The following FBLIM1 variants were observed in gnomAD, a reference collection of about 807,000 sequenced individuals.
FBLIM1 encodes filamin-binding LIM protein 1.
A neutral mutation model predicts 37.4 loss-of-function variants in FBLIM1; 29 were observed. The ratio of observed to expected loss-of-function variants is 0.77; its 90% confidence interval spans 0.58 to 1.06. The LOEUF is 1.06. Among genes scored for constraint, FBLIM1 ranks in the 50% least tolerant of loss-of-function variants. The probability of loss-of-function intolerance (pLI) is 0.00; values close to 1 mark genes in which losing one functional copy is unlikely to be tolerated. For synonymous variants in FBLIM1, 193 were observed against 199.0 expected (o/e 0.97, Z 0.25); for missense variants, 449 against 505.6 (o/e 0.89, Z 1.07).
At chr1:15,771,949 C>T (rs932536202) in intron 6 of FBLIM1, among the ~76,000 whole-genome samples, 2 of 151,904 alleles carry the variant, frequency 1.3e-5, no homozygotes, top group Non-Finnish European at 2.9e-5. Context: ...TTTGATCTCA[C>T]GGGAATCTGT....
At position 15,770,344 on chromosome 1, in the gene FBLIM1, G is replaced by C; in HGVS notation, c.542-65G>C. The C allele has an allele frequency of 3.2e-6, 5 of 1,542,526 alleles. No individual in the cohort carries two copies. In the Admixed American group the frequency reaches 5.6e-5, roughly 17 times the overall value. On this transcript the variant is annotated intron_variant, in intron 5 of 8. Transcript: ENST00000375766. ...GCCTCGGGTATCCTGAGCATGTTCT[G>C]GGTGGTGCCTGGGTACAGTCCTCAC...
At chr1:15,762,466 TTGGCCAGGC>T (rs971502754) in intron 1 of FBLIM1, among the ~76,000 whole-genome samples, 61 of 152,272 alleles carry the variant, frequency 4.0e-4, no homozygotes, top group South Asian at 1.9e-3. Flanking sequence ...TTTCACCATC[TTGGCCAGGC>T]TGGTCTTGAA....
chr1:15,761,952 A>G (rs945264456), intron 1 of FBLIM1, among the ~76,000 whole-genome samples: 1 of 152,216 alleles, frequency 6.6e-6, no homozygotes, highest in Non-Finnish European at 1.5e-5. Flanking sequence ...CTGGACTCCC[A>G]GCTTTCCCAC....
chr1:15,769,214 C>T (rs905399065), intron 5 of FBLIM1, among the ~76,000 whole-genome samples: 8 of 151,968 alleles, frequency 5.3e-5, no homozygotes, highest in East Asian at 1.9e-4. Context: ...TGGTGGCTCA[C>T]GCCTATAATC....
At position 15,771,833 on chromosome 1, in the gene FBLIM1, C is replaced by T. The variant is rs1323940215; in HGVS notation, c.711+1255C>T. Among the ~76,000 whole-genome samples, 4 of 151,624 alleles carry T rather than the reference C, an allele frequency of 2.6e-5. No individual in the cohort carries two copies. The South Asian group carries it at 8.4e-4, about 32-fold the overall frequency. On this transcript the variant is annotated intron_variant, in intron 6 of 8. Transcript: ENST00000375766. ...CTCTTAGCTACCACACGAGGTCACA[C>T]GAGATGGCCAAGGAGCTGGGATTCT...
chr1:15,774,595 T>A (rs1202574837), intron 6 of FBLIM1, 23 bp from the exon 7 acceptor site: 1 of 1,599,292 alleles, frequency 6.3e-7, no homozygotes, highest in Non-Finnish European at 8.5e-7. Context: ...CGTGGATGGT[T>A]CTGGCAGTGG....
intron 3 of FBLIM1, 115 bp from the exon 4 acceptor site, chr1:15,767,261 G>T: frequency 2.3e-6 from 2 of 876,492 alleles, no homozygotes; most frequent in Non-Finnish European, 3.4e-6. Flanking sequence ...AACCCAGGCC[G>T]GGGTGATCCC....
At chr1:15,763,307 T>C (rs901767901) in intron 1 of FBLIM1, among the ~76,000 whole-genome samples, 2 of 151,652 alleles carry the variant, frequency 1.3e-5, no homozygotes, top group Non-Finnish European at 2.9e-5. Context: ...AGACCTCAGG[T>C]GATCCACCTG....
At chr1:15,776,529 G>T (rs954505871) in intron 7 of FBLIM1, among the ~76,000 whole-genome samples, 7 of 151,966 alleles carry the variant, frequency 4.6e-5, no homozygotes, top group Admixed American at 6.6e-5. Flanking sequence ...CCCATGAGTT[G>T]CTCACCACTC....
In FBLIM1 at chr1:15,777,284, T is replaced by C; in HGVS notation, c.1005T>C (p.Cys335=). ...GRNFHENCYR[C]EDCRILLSVE... is the part of the protein sequence containing the mutation. Reference sequence around the variant, plus strand: ...ACTTCCATGAAAATTGCTACAGGTGTGAGGTGAGTGGAGCCTAGGTGGTTT... The same window carrying C: ...ACTTCCATGAAAATTGCTACAGGTGCGAGGTGAGTGGAGCCTAGGTGGTTT... Residue 335 remains cysteine, a synonymous_variant, in exon 8 of 9, where the codon TGT becomes TGC. Coordinates refer to ENST00000375766, the MANE Select transcript of FBLIM1 (RefSeq NM_017556.4). 1 of 1,608,906 alleles carries C rather than the reference T, an allele frequency of 6.2e-7. No individual in the cohort carries two copies. The highest frequency in any genetic ancestry group is 8.5e-7 in the Non-Finnish European group (1 of 1,175,616).
At chr1:15,764,854 G>A in intron 2 of FBLIM1, 110 bp from the exon 3 acceptor site, 1 of 1,300,600 alleles carries the variant, frequency 7.7e-7, no homozygotes, top group East Asian at 2.3e-5. Flanking sequence ...TTGTTGAGAT[G>A]GTAGGGTGGC....
Position 15,764,693 on chromosome 1 carries a change from CT to C in FBLIM1, c.-21+9del. ...AAGGAAGAGTGATCATTGGTGAGGG[CT>C]GCCCTTTGCTCCCCTAGGTGTGCAG... On this transcript the variant is annotated intron_variant, in intron 2 of 8. Coordinates refer to ENST00000375766, the MANE Select transcript of FBLIM1 (RefSeq NM_017556.4). 2.2e-6 allele frequency: 1 copy of C among 462,748 alleles called. No homozygotes were observed. Among genetic ancestry groups the C allele is most frequent in the Admixed American group, 3.9e-5 (1 of 25,430 alleles). The allele number at this position is 462,748 out of a possible 1,614,324, so 28.7% of individuals were successfully genotyped here. A position where few individuals can be genotyped will look rare whatever the true frequency, so the allele number is the denominator to read the frequency against.
intron 1 of FBLIM1, among the ~76,000 whole-genome samples, chr1:15,762,490 T>C (rs930372997): frequency 6.6e-6 from 1 of 152,116 alleles, no homozygotes; most frequent in Non-Finnish European, 1.5e-5. Flanking sequence ...CTTGAACTCC[T>C]TACCTCGTGA....
At chr1:15,776,979 G>A in intron 7 of FBLIM1, 191 bp from the exon 8 acceptor site, 1 of 561,796 alleles carries the variant, frequency 1.8e-6, no homozygotes, top group African/African-American at 1.9e-5. Context: ...GTGACGCTGG[G>A]AAACCAGGTC....
chr1:15,778,629 G>A (rs1286777359), intron 8 of FBLIM1, among the ~76,000 whole-genome samples: 1 of 118,354 alleles, frequency 8.4e-6, no homozygotes, highest in Non-Finnish European at 1.7e-5. Flanking sequence ...ATCAGAGGAA[G>A]TGGAAGCTTC....
At chr1:15,768,780 A>G (rs2069056687) in intron 5 of FBLIM1, 150 bp downstream of exon 5, 1 of 510,094 alleles carries the variant, frequency 2.0e-6, no homozygotes, top group Non-Finnish European at 3.4e-6. Context: ...GCATCCATTT[A>G]ATTTGTATTG....
rs74973395 is a variant in FBLIM1, at chr1:15,765,708, C to A, written c.250+475C>A. On this transcript the variant is annotated intron_variant, in intron 3 of 8. Coordinates refer to ENST00000375766, the MANE Select transcript of FBLIM1 (RefSeq NM_017556.4). The surrounding 1 kb of genome is among the most constrained non-coding windows in gnomAD (Gnocchi z 5.9). ...GGGGATGCTGCCAGCTGCTTGAAGC[C>A]GTCTACACCGAAGGCTGCCATCTGC... 0.03 allele frequency among the ~76,000 whole-genome samples: 4,539 copies of A among 152,106 alleles called. 228 individuals carry two copies. Among genetic ancestry groups the A allele is most frequent in the African/African-American group, 0.1 (4,184 of 41,454 alleles).
intron 7 of FBLIM1, 162 bp from the exon 8 acceptor site, chr1:15,777,008 C>T: frequency 6.2e-6 from 4 of 643,978 alleles, no homozygotes; most frequent in Non-Finnish European, 1.1e-5. Context: ...CAGGTCTCTC[C>T]ACCTGCTCCT....
At chr1:15,774,365 C>T (rs946374562) in intron 6 of FBLIM1, among the ~76,000 whole-genome samples, 1 of 152,182 alleles carries the variant, frequency 6.6e-6, no homozygotes, top group Admixed American at 6.5e-5. Flanking sequence ...AAACATATCC[C>T]AGTAACAAGA....
Sources: allele counts gnomAD v4.1 joint callset (sites outside exome capture counted in the v4.1 genomes callset), GRCh38; gene constraint gnomAD v4.1.1; non-coding constraint Gnocchi (gnomAD v3.1); transcripts MANE v1.5; gene names NCBI Gene and HGNC (gene_info 2026-07-23, HGNC 2026-07-21).